The following RIN3 variants were observed in gnomAD, a reference collection of about 807,000 sequenced individuals.
RIN3 encodes the protein Ras and Rab interactor 3.
In RIN3, 54 loss-of-function variants were observed where a neutral mutation model predicts 76.3. That is an observed-to-expected ratio of 0.71 (90% CI 0.57 to 0.89). The LOEUF is 0.89. RIN3 is among the 40% of genes least tolerant of loss of function. The pLI is 0.00. For synonymous variants in RIN3, 576 were observed against 564.0 expected, an observed-to-expected ratio of 1.02 and a Z score of -0.30; for missense variants, 1,256 against 1,322.1, an observed-to-expected ratio of 0.95 and a Z score of 0.78.
At chr14:92,531,856 C>T (rs943567009) in intron 1 of RIN3, among the ~76,000 whole-genome samples, 16 of 152,022 alleles carry the variant, frequency 1.1e-4, no homozygotes, top group Non-Finnish European at 2.1e-4. Flanking sequence ...GCACAACTCT[C>T]GCCCCCCTAG....
At chr14:92,605,503 T>A (rs911133158) in intron 3 of RIN3, among the ~76,000 whole-genome samples, 3 of 152,268 alleles carry the variant, frequency 2.0e-5, no homozygotes, top group Non-Finnish European at 4.4e-5. Context: ...TTCCATGCTT[T>A]CATATCATGA....
intron 3 of RIN3, among the ~76,000 whole-genome samples, chr14:92,599,434 T>G (rs188320644): frequency 3.3e-5 from 5 of 152,116 alleles, no homozygotes; most frequent in Non-Finnish European, 4.4e-5. Flanking sequence ...AATGGCATGA[T>G]GAAGGAAGAG....
At chr14:92,639,673 A>G (rs984572748) in intron 4 of RIN3, among the ~76,000 whole-genome samples, 5 of 152,168 alleles carry the variant, frequency 3.3e-5, no homozygotes, top group Non-Finnish European at 7.4e-5. Flanking sequence ...TTCAACTACC[A>G]TGTGGGCTGG....
chr14:92,625,630 A>G (rs998157894), intron 4 of RIN3, among the ~76,000 whole-genome samples: 1 of 152,036 alleles, frequency 6.6e-6, no homozygotes, highest in African/African-American at 2.4e-5. Flanking sequence ...TGAAGCACCT[A>G]TCCTGTCCTC....
intron 4 of RIN3, among the ~76,000 whole-genome samples, chr14:92,636,770 C>T (rs1490215650): frequency 6.6e-6 from 1 of 152,036 alleles, no homozygotes; most frequent in Admixed American, 6.6e-5. Flanking sequence ...ATGATGTGGG[C>T]CAGGCATGGT....
intron 4 of RIN3, among the ~76,000 whole-genome samples, chr14:92,639,953 G>A (rs1243406229): frequency 6.7e-6 from 1 of 148,926 alleles, no homozygotes; most frequent in Admixed American, 6.7e-5. Flanking sequence ...TTTGCTGGGA[G>A]ATGCCTGACT....
chr14:92,630,481 G>A (rs1013585042), intron 4 of RIN3, among the ~76,000 whole-genome samples: 6 of 152,176 alleles, frequency 3.9e-5, no homozygotes, highest in African/African-American at 1.4e-4. Flanking sequence ...AACAAAGCAG[G>A]ACCCTGTCTA....
chr14:92,644,134 G>A (rs1797208474), intron 5 of RIN3, among the ~76,000 whole-genome samples: 2 of 152,188 alleles, frequency 1.3e-5, no homozygotes, highest in African/African-American at 4.8e-5. Context: ...GATTTGCACT[G>A]AGGGCTTTCT....
chr14:92,527,151 C>A (rs139817750), intron 1 of RIN3, among the ~76,000 whole-genome samples: 2 of 150,232 alleles, frequency 1.3e-5, no homozygotes, highest in Non-Finnish European at 2.9e-5. Flanking sequence ...CCTGGGTTCA[C>A]GCCATTCTCC....
At chr14:92,518,150 T>G (rs1168885926) in intron 1 of RIN3, among the ~76,000 whole-genome samples, 1 of 152,236 alleles carries the variant, frequency 6.6e-6, no homozygotes, top group Admixed American at 6.5e-5. Context: ...TTTTTGAATA[T>G]TCATAGCCTT....
chr14:92,560,370 T>G (rs1298694550), intron 2 of RIN3, among the ~76,000 whole-genome samples: 1 of 152,120 alleles, frequency 6.6e-6, no homozygotes, highest in Non-Finnish European at 1.5e-5. Context: ...TGTCATCTGT[T>G]GCCTTCCCTG....
Position 92,555,773 on chromosome 14 carries a change from G to T in RIN3, c.67G>T (p.Gly23Ter). The change falls in exon 2 of 10, where the codon GGA (glycine) becomes TGA (stop). Residue 23 changes from glycine to a stop codon, truncating the protein, a stop_gained. Coordinates refer to ENST00000216487, the MANE Select transcript of RIN3 (RefSeq NM_024832.5). LOFTEE classifies it high-confidence loss of function. ...PTGPVPVVGK[G>*]EEEEEEDGMR... ...CAGTCCGGTTCCAGTTGTTGGCAAA[G>T]GAGAGGAAGAGGAAGAGGAAGATGG... is the stretch of plus-strand genomic sequence containing the variant. 1 of 1,614,138 alleles carries T rather than the reference G, an allele frequency of 6.2e-7. No individual in the cohort carries two copies. The highest frequency in any genetic ancestry group is 8.5e-7 in the Non-Finnish European group (1 of 1,180,036).
intron 7 of RIN3, among the ~76,000 whole-genome samples, chr14:92,674,607 G>A (rs1227290005): frequency 6.6e-6 from 1 of 151,942 alleles, no homozygotes; most frequent in Non-Finnish European, 1.5e-5. Context: ...CTGTCTCAAA[G>A]GCCGGGCGCT....
intron 3 of RIN3, among the ~76,000 whole-genome samples, chr14:92,598,428 TC>T (rs1352012073): frequency 6.6e-6 from 1 of 152,206 alleles, no homozygotes; most frequent in African/African-American, 2.4e-5. Flanking sequence ...CTTGCCAAAT[TC>T]CTGACCCACA....
intron 4 of RIN3, among the ~76,000 whole-genome samples, chr14:92,627,597 T>C (rs1357741957): frequency 6.6e-6 from 1 of 152,198 alleles, no homozygotes; most frequent in Non-Finnish European, 1.5e-5. Flanking sequence ...CTTACTTTGG[T>C]CTTGTGCGCA....
chr14:92,570,414 G>A (rs1898032490), intron 2 of RIN3, among the ~76,000 whole-genome samples: 1 of 152,152 alleles, frequency 6.6e-6, no homozygotes, highest in African/African-American at 2.4e-5. Flanking sequence ...TGTAATCCCA[G>A]CACTTTGGGA....
At chr14:92,516,004 G>A (rs1255760633) in intron 1 of RIN3, among the ~76,000 whole-genome samples, 3 of 152,096 alleles carry the variant, frequency 2.0e-5, no homozygotes, top group Non-Finnish European at 4.4e-5. Context: ...CGAACTGTGC[G>A]GAGTCTGCTG....
intron 3 of RIN3, among the ~76,000 whole-genome samples, chr14:92,579,491 G>A (rs1174423924): frequency 3.9e-5 from 6 of 152,230 alleles, no homozygotes; most frequent in African/African-American, 7.2e-5. Context: ...TTTTGCAAAA[G>A]CAGTTTCAAT....
intron 1 of RIN3, among the ~76,000 whole-genome samples, chr14:92,539,154 T>C (rs1350180652): frequency 6.6e-6 from 1 of 150,878 alleles, no homozygotes; most frequent in Admixed American, 6.6e-5. Flanking sequence ...ACTATCTCCA[T>C]GTTCAGTGAA....
Sources: gnomAD v4.1 joint callset for allele counts (sites outside exome capture counted in the v4.1 genomes callset) on GRCh38, gnomAD v4.1.1 for gene constraint, MANE v1.5 for transcripts, NCBI Gene and HGNC (gene_info 2026-07-23, HGNC 2026-07-21) for gene names.